Variants in DNTTIP1 observed in about 807,000 individuals in gnomAD.
DNTTIP1 encodes deoxynucleotidyltransferase terminal-interacting protein 1.
DNTTIP1 carries 22 observed loss-of-function variants against 52.9 expected under a neutral mutation model. The observed-to-expected ratio is 0.42, with a 90% CI of 0.30 to 0.59. DNTTIP1 has a LOEUF of 0.59. Ranked by LOEUF, DNTTIP1 falls within the 20% of genes least tolerant of loss-of-function variation. The pLI, the probability that DNTTIP1 is intolerant of heterozygous loss-of-function variation, is 0.22. For missense variants in DNTTIP1, 286 were observed against 435.5 expected (o/e 0.66, Z 3.06); for synonymous variants, 136 against 155.1 (o/e 0.88, Z 0.92).
rs1051138676 is a variant in DNTTIP1, at chr20:45,795,260, A to T, written c.274-85A>T. The T allele has an allele frequency of 2.7e-5, 20 of 744,160 alleles. No individual in the cohort carries two copies. The African/African-American group carries it at 3.5e-4, about 13-fold the overall frequency. The allele number at this position is 744,160 out of a possible 1,614,324, so 46.1% of individuals were successfully genotyped here. ...CTTTTCCCTTCTGTATGAAGCTAGG[A>T]TAAAGACTTATTTTATATTCAGTTT... On this transcript the variant is annotated intron_variant, in intron 3 of 12. Transcript: ENST00000372622.
Position 45,811,312 on chromosome 20 carries a change from A to G in DNTTIP1, c.*117A>G, listed in dbSNP as rs1601035203. 1 of 1,289,544 alleles carries G rather than the reference A, an allele frequency of 7.8e-7. No homozygotes were observed. The highest frequency in any genetic ancestry group is 1.1e-6 in the Non-Finnish European group (1 of 947,566). The allele number at this position is 1,289,544 out of a possible 1,614,324, so 79.9% of individuals were successfully genotyped here. A position where few individuals can be genotyped will look rare whatever the true frequency, so the allele number is the denominator to read the frequency against. ...TCTCAGCGGCATTAAGCTGTGCCTG[A>G]GCGAGTTTGTAGTGACTCACTGCAC... is the stretch of plus-strand genomic sequence containing the variant. On this transcript the variant is annotated 3_prime_UTR_variant, in exon 13 of 13. Transcript: ENST00000372622.
chr20:45,801,006 A>G (rs1981448629), intron 4 of DNTTIP1, 68 bp from the exon 5 acceptor site: 7 of 1,298,770 alleles, frequency 5.4e-6, no homozygotes, highest in East Asian at 2.3e-5. Flanking sequence ...AAAAAAAAAA[A>G]GGAAGTAGGT....
At chr20:45,798,661 G>T (rs1051338628) in intron 4 of DNTTIP1, among the ~76,000 whole-genome samples, 3 of 151,878 alleles carry the variant, frequency 2.0e-5, no homozygotes, top group East Asian at 3.9e-4. Context: ...TAGTACCTGG[G>T]GTACTCTACC....
At chr20:45,792,376 G>A (rs929687925) in intron 1 of DNTTIP1, among the ~76,000 whole-genome samples, 2 of 152,224 alleles carry the variant, frequency 1.3e-5, no homozygotes, top group African/African-American at 4.8e-5. Context: ...TGTGGGATGG[G>A]AAGATAAAGG....
At chr20:45,806,890 G>T (rs1282573841) in intron 10 of DNTTIP1, among the ~76,000 whole-genome samples, 1 of 152,090 alleles carries the variant, frequency 6.6e-6, no homozygotes. Context: ...AGCTTTGTTT[G>T]TATCATCCCC....
chr20:45,796,611 G>A, intron 4 of DNTTIP1: 1 of 465,422 alleles, frequency 2.1e-6, no homozygotes. Flanking sequence ...ACATGTGTCA[G>A]CTGCTGTTAT....
At chr20:45,800,727 A>G (rs1463887747) in intron 4 of DNTTIP1, among the ~76,000 whole-genome samples, 1 of 28,316 alleles carries the variant, frequency 3.5e-5, no homozygotes, top group Non-Finnish European at 9.5e-5. Context: ...ATATATATAT[A>G]TATATATATA....
intron 4 of DNTTIP1, among the ~76,000 whole-genome samples, chr20:45,800,590 C>T (rs1376279073): frequency 6.7e-6 from 1 of 149,534 alleles, no homozygotes; most frequent in East Asian, 1.9e-4. Flanking sequence ...AGGAGAATCG[C>T]TTGAACCCAG....
chr20:45,805,053 G>GGGA, intron 8 of DNTTIP1, 93 bp from the exon 9 acceptor site: 1 of 1,080,510 alleles, frequency 9.3e-7, no homozygotes. Flanking sequence ...AATAGACAAG[G>GGGA]GGAAGGGTTA....
chr20:45,796,486 C>G (rs1264204698), intron 4 of DNTTIP1: 1 of 471,100 alleles, frequency 2.1e-6, no homozygotes, highest in Non-Finnish European at 4.4e-6. Context: ...TATCATGGCC[C>G]CATTTGGTAT....
intron 8 of DNTTIP1, among the ~76,000 whole-genome samples, 173 bp downstream of exon 8, chr20:45,803,551 G>T (rs546425132): frequency 6.6e-6 from 1 of 152,200 alleles, no homozygotes; most frequent in Non-Finnish European, 1.5e-5. Flanking sequence ...TCCTGTGTAG[G>T]AATTGGAGTT....
At chr20:45,792,584 G>A in intron 1 of DNTTIP1, 93 bp from the exon 2 acceptor site, 2 of 942,574 alleles carry the variant, frequency 2.1e-6, no homozygotes, top group Non-Finnish European at 3.1e-6. Flanking sequence ...TGAGAAGCAG[G>A]GATGTCCAGG....
intron 4 of DNTTIP1, among the ~76,000 whole-genome samples, chr20:45,796,730 G>A (rs1209841186): frequency 2.0e-5 from 3 of 152,028 alleles, no homozygotes; most frequent in African/African-American, 4.8e-5. Context: ...CTTTGTTTTC[G>A]CTTCAGTCCC....
intron 4 of DNTTIP1, among the ~76,000 whole-genome samples, chr20:45,800,862 C>T (rs530572990): frequency 1.6e-3 from 240 of 147,698 alleles, no homozygotes; most frequent in African/African-American, 5.6e-3. Context: ...GGTATGGTGG[C>T]GCACCCCTGT....
rs745992212 is a variant in DNTTIP1, at chr20:45,803,406, C to G, written c.603+28C>G. On this transcript the variant is annotated intron_variant, in intron 8 of 12. Coordinates refer to ENST00000372622, the MANE Select transcript of DNTTIP1 (RefSeq NM_052951.3). ...ATGATTATGTGAGCATGGCAGAGAT[C>G]ACGATCCCAGGAGATAGTCCCACTA... The G allele has an allele frequency of 2.0e-5, 32 of 1,613,590 alleles. No homozygotes were observed. In the East Asian group the frequency reaches 7.1e-4, roughly 36 times the overall value.
chr20:45,804,999 C>T, intron 8 of DNTTIP1, 147 bp from the exon 9 acceptor site: 1 of 749,466 alleles, frequency 1.3e-6, no homozygotes, highest in Admixed American at 1.9e-5. Context: ...CAGGGCCTAG[C>T]ATATTGTGAG....
chr20:45,810,230 T>C (rs1276764790), intron 11 of DNTTIP1, among the ~76,000 whole-genome samples: 1 of 152,166 alleles, frequency 6.6e-6, no homozygotes, highest in Admixed American at 6.5e-5. Context: ...GACTTTCTAA[T>C]ATGATGAATA....
At chr20:45,808,992 C>T in intron 10 of DNTTIP1, 122 bp from the exon 11 acceptor site, 1 of 816,928 alleles carries the variant, frequency 1.2e-6, no homozygotes, top group Non-Finnish European at 2.0e-6. Flanking sequence ...CCTCTAAGTC[C>T]ACCACGCTTG....
In DNTTIP1 at chr20:45,795,455, G is replaced by A. The variant is rs766287820; in HGVS notation, c.372+12G>A. 87 of 1,557,210 alleles carry A rather than the reference G, an allele frequency of 5.6e-5. No homozygotes were observed. In the South Asian group the frequency reaches 8.7e-4, roughly 16 times the overall value. ...GCTGCCTGGAGCAGGTGAGACCAAAGGGGACAAGAGATGCAGGCACAAGGT... is the reference window on the plus strand; with the variant it reads ...GCTGCCTGGAGCAGGTGAGACCAAAAGGGACAAGAGATGCAGGCACAAGGT... On this transcript the variant is annotated intron_variant, in intron 4 of 12. Coordinates refer to ENST00000372622, the MANE Select transcript of DNTTIP1 (RefSeq NM_052951.3).
Sources: gnomAD v4.1 joint callset for allele counts (sites outside exome capture counted in the v4.1 genomes callset) on GRCh38, gnomAD v4.1.1 for gene constraint, MANE v1.5 for transcripts, NCBI Gene and HGNC (gene_info 2026-07-23, HGNC 2026-07-21) for gene names.